GABRG3: variants seen among roughly 807,000 people sequenced by gnomAD.
The protein encoded by GABRG3 is gamma-aminobutyric acid receptor subunit gamma-3.
In GABRG3, 25 loss-of-function variants were observed where a neutral mutation model predicts 48.8. The observed-to-expected ratio is 0.51, with a 90% CI of 0.37 to 0.72. The LOEUF (loss-of-function observed/expected upper bound fraction) is 0.72. GABRG3 is among the 30% of genes least tolerant of loss of function. The probability of loss-of-function intolerance (pLI) is 0.00; values close to 1 mark genes in which losing one functional copy is unlikely to be tolerated. For synonymous variants in GABRG3, 227 were observed against 217.6 expected (o/e 1.04, Z -0.38); for missense variants, 394 against 577.9 (o/e 0.68, Z 3.26).
At chr15:27,131,003 C>T (rs993434509) in intron 3 of GABRG3, among the ~76,000 whole-genome samples, 9 of 151,976 alleles carry the variant, frequency 5.9e-5, no homozygotes, top group African/African-American at 2.2e-4. Context: ...TTACATCTTC[C>T]TTTCCAATTT....
At chr15:27,000,377 A>G (rs1895420859) in intron 2 of GABRG3, among the ~76,000 whole-genome samples, 1 of 152,302 alleles carries the variant, frequency 6.6e-6, no homozygotes, top group African/African-American at 2.4e-5. Flanking sequence ...GGCAGACTCT[A>G]GGGCTAATTA....
Position 27,537,169 on chromosome 15 carries a change from C to G in GABRG3, c.*4288C>G, listed in dbSNP as rs1891566876. ...AAGAATGGCTTAAGCTCCACATAAT[C>G]TGATGTAAATATACATTGAAACGTT... On this transcript the variant is annotated 3_prime_UTR_variant, in exon 10 of 10. Coordinates refer to ENST00000615808, the MANE Select transcript of GABRG3 (RefSeq NM_033223.5). 1 of 150,028 alleles carries G rather than the reference C, an allele frequency of 6.7e-6. No individual in the cohort carries two copies. Among genetic ancestry groups the G allele is most frequent in the South Asian group, 2.1e-4 (1 of 4,698 alleles). 9.3% of individuals were successfully genotyped at this position (150,028 alleles called of 1,614,324 possible).
chr15:27,252,068 A>C (rs1337013224), intron 3 of GABRG3, among the ~76,000 whole-genome samples: 1 of 152,210 alleles, frequency 6.6e-6, no homozygotes, highest in African/African-American at 2.4e-5. Context: ...TTATTTGTTA[A>C]AATGAGACTT....
intron 3 of GABRG3, among the ~76,000 whole-genome samples, chr15:27,189,329 T>G (rs1888213871): frequency 6.6e-6 from 1 of 152,078 alleles, no homozygotes; most frequent in Non-Finnish European, 1.5e-5. Flanking sequence ...AGTATGGCCA[T>G]TTTCACGATA....
intron 3 of GABRG3, among the ~76,000 whole-genome samples, chr15:27,291,071 G>A (rs1166785599): frequency 1.3e-5 from 2 of 152,114 alleles, no homozygotes; most frequent in East Asian, 1.9e-4. Flanking sequence ...CAATAACAAC[G>A]GAAGTGCTCA....
intron 8 of GABRG3, 127 bp from the exon 9 acceptor site, chr15:27,527,806 C>A: frequency 1.0e-6 from 1 of 966,892 alleles, no homozygotes; most frequent in Middle Eastern, 2.2e-4. Context: ...GACTCTAAGA[C>A]ATCTCTGGTG....
chr15:27,249,743 A>G (rs549488516), intron 3 of GABRG3, among the ~76,000 whole-genome samples: 44 of 152,302 alleles, frequency 2.9e-4, no homozygotes, highest in Admixed American at 1.6e-3. Flanking sequence ...AATCATTCCA[A>G]TTCCTTCAAC....
intron 3 of GABRG3, among the ~76,000 whole-genome samples, chr15:27,083,527 C>G (rs1018479445): frequency 1.3e-5 from 2 of 152,000 alleles, no homozygotes; most frequent in African/African-American, 2.4e-5. Flanking sequence ...GAGATTTCAC[C>G]ATGTTGGCCA....
At chr15:27,225,455 C>G (rs1889582296) in intron 3 of GABRG3, among the ~76,000 whole-genome samples, 1 of 152,068 alleles carries the variant, frequency 6.6e-6, no homozygotes, top group African/African-American at 2.4e-5. Context: ...ATTGTTTAGT[C>G]TGACGATTTT....
chr15:27,441,823 A>G (rs1299903608), intron 5 of GABRG3, among the ~76,000 whole-genome samples: 1 of 152,140 alleles, frequency 6.6e-6, no homozygotes, highest in Non-Finnish European at 1.5e-5. Flanking sequence ...ATTTAATGTT[A>G]TGTTTTTTTT....
At chr15:27,046,868 G>C (rs1289279379) in intron 3 of GABRG3, among the ~76,000 whole-genome samples, 2 of 152,052 alleles carry the variant, frequency 1.3e-5, no homozygotes, top group Non-Finnish European at 2.9e-5. Context: ...CAAACACTTA[G>C]AGGAATTTGA....
chr15:27,508,249 G>C (rs73369561), intron 6 of GABRG3, among the ~76,000 whole-genome samples: 33,729 of 151,986 alleles, frequency 0.22, 6,545 homozygotes, highest in African/African-American at 0.49. Flanking sequence ...TTGCTACTTT[G>C]ATTACATTTA....
At chr15:26,992,193 A>G (rs999348705) in intron 2 of GABRG3, among the ~76,000 whole-genome samples, 7 of 152,114 alleles carry the variant, frequency 4.6e-5, no homozygotes, top group African/African-American at 1.7e-4. Context: ...TAATTTGATG[A>G]CTTCTTTTCC....
chr15:27,136,520 T>C (rs529405853), intron 3 of GABRG3, among the ~76,000 whole-genome samples: 1 of 152,262 alleles, frequency 6.6e-6, no homozygotes, highest in Non-Finnish European at 1.5e-5. Context: ...TTTAAAAGTG[T>C]GAGGGCTGGG....
intron 6 of GABRG3, among the ~76,000 whole-genome samples, chr15:27,495,681 C>T (rs1040328807): frequency 1.3e-5 from 2 of 152,060 alleles, no homozygotes; most frequent in African/African-American, 4.8e-5. Context: ...TTTAAAATTT[C>T]CTTTGATTAT....
intron 5 of GABRG3, among the ~76,000 whole-genome samples, chr15:27,334,688 G>T (rs962531630): frequency 2.7e-5 from 4 of 148,406 alleles, no homozygotes; most frequent in Admixed American, 6.6e-5. Context: ...TCTGAAGTTC[G>T]GTTGGATGTC....
intron 5 of GABRG3, among the ~76,000 whole-genome samples, chr15:27,345,450 G>A (rs1318030207): frequency 6.6e-6 from 1 of 152,026 alleles, no homozygotes; most frequent in African/African-American, 2.4e-5. Context: ...TTCTTATGTA[G>A]TACAGAAACC....
chr15:27,134,014 A>G (rs900333881), intron 3 of GABRG3, among the ~76,000 whole-genome samples: 1 of 152,220 alleles, frequency 6.6e-6, no homozygotes, highest in African/African-American at 2.4e-5. Flanking sequence ...ATGTAGCACC[A>G]TGGCTCCTGA....
At chr15:27,046,759 G>A in intron 3 of GABRG3, among the ~76,000 whole-genome samples, 1 of 152,176 alleles carries the variant, frequency 6.6e-6, no homozygotes, top group East Asian at 1.9e-4. Context: ...CCTTTAAAAT[G>A]TCAGTCCACT....
Sources: allele counts gnomAD v4.1 joint callset (sites outside exome capture counted in the v4.1 genomes callset), GRCh38; gene constraint gnomAD v4.1.1; transcripts MANE v1.5; gene names NCBI Gene and HGNC (gene_info 2026-07-23, HGNC 2026-07-21).